JCAD: variants seen among roughly 807,000 people sequenced by gnomAD.
JCAD encodes junctional cadherin 5-associated protein.
Under a neutral mutation model 98.0 loss-of-function variants are expected in JCAD, and 40 were observed. The observed-to-expected ratio is 0.41, with a 90% CI of 0.32 to 0.53. The LOEUF is 0.53. Ranked by LOEUF, JCAD falls within the 20% of genes least tolerant of loss-of-function variation. The pLI is 0.31. For missense variants in JCAD, 1,705 were observed against 1,738.1 expected, an observed-to-expected ratio of 0.98 and a Z score of 0.34; for synonymous variants, 691 against 682.3, an observed-to-expected ratio of 1.01 and a Z score of -0.20.
At chr10:30,061,030 G>C (rs1228410215), upstream of JCAD, among the ~76,000 whole-genome samples, 1 of 152,208 alleles carries the variant, frequency 6.6e-6, no homozygotes, top group Non-Finnish European at 1.5e-5. Flanking sequence ...AGATGGTGGC[G>C]ATAGGAGCAG....
chr10:30,034,476 T>G (rs771463497), intron 2 of JCAD, among the ~76,000 whole-genome samples: 1 of 152,142 alleles, frequency 6.6e-6, no homozygotes, highest in Non-Finnish European at 1.5e-5. Flanking sequence ...ACAATTTCTG[T>G]GTTGCTTTTG....
intron 1 of JCAD, among the ~76,000 whole-genome samples, chr10:30,049,288 G>T (rs557180992): frequency 1.3e-5 from 2 of 152,260 alleles, no homozygotes; most frequent in South Asian, 2.1e-4. Context: ...CTTCACTGGT[G>T]GACGGAAATA....
intron 1 of JCAD, among the ~76,000 whole-genome samples, chr10:30,104,431 T>C (rs2132712211): frequency 6.6e-6 from 1 of 152,326 alleles, no homozygotes; most frequent in Non-Finnish European, 1.5e-5. Context: ...TGCAACCACA[T>C]GGATGCAGCG....
intron 1 of JCAD, among the ~76,000 whole-genome samples, chr10:30,099,950 A>C (rs1730103412): frequency 6.6e-6 from 1 of 152,140 alleles, no homozygotes; most frequent in African/African-American, 2.4e-5. Context: ...TCCATCCTGC[A>C]TAACCATTTC....
At chr10:30,107,691 TC>T (rs1838611367) in intron 1 of JCAD, among the ~76,000 whole-genome samples, 1 of 152,202 alleles carries the variant, frequency 6.6e-6, no homozygotes, top group South Asian at 2.1e-4. Context: ...CCTGAAGTCT[TC>T]CTTGCATGAG....
At chr10:30,024,461 C>A (rs1836737557) in intron 3 of JCAD, among the ~76,000 whole-genome samples, 2 of 152,010 alleles carry the variant, frequency 1.3e-5, no homozygotes, top group South Asian at 4.1e-4. Context: ...CCAGAAAGCT[C>A]AAAAAATGGG....
intron 1 of JCAD, among the ~76,000 whole-genome samples, chr10:30,087,504 A>G (rs959530802): frequency 2.8e-4 from 43 of 152,208 alleles, no homozygotes; most frequent in East Asian, 1.7e-3. Context: ...AACACAGTCT[A>G]GCACTTTACT....
rs766459638 is a variant in JCAD, at chr10:30,029,850, G to A, written c.298C>T (p.Pro100Ser). The change falls in exon 3 of 4, where the codon CCC becomes TCC. Residue 100 changes from proline to serine, a missense_variant. Physicochemically the swap from Pro to Ser is moderately conservative, Grantham distance 74 (BLOSUM62 -1). Transcript: ENST00000375377. The stretch of plus-strand genomic sequence containing the variant: ...GGGGGATGAGAGGACCATGCTGAGG[G>A]GGGTTGATTACAAAACCTACAAAAC... ...TSEAGFCNQP[P>S]SAWSSHPPTG... 4 of 1,613,776 alleles carry A rather than the reference G, an allele frequency of 2.5e-6. No individual in the cohort carries two copies. Among genetic ancestry groups the A allele is most frequent in the Non-Finnish European group, 2.5e-6 (3 of 1,179,858 alleles).
chr10:30,046,055 T>C (rs987571194), intron 2 of JCAD, among the ~76,000 whole-genome samples: 1 of 152,168 alleles, frequency 6.6e-6, no homozygotes, highest in Non-Finnish European at 1.5e-5. Flanking sequence ...TGTGTGTTTG[T>C]TTGTTTTTCT....
At chr10:30,030,066 G>T (rs1836959065) in intron 2 of JCAD, among the ~76,000 whole-genome samples, 200 bp from the exon 3 acceptor site, 1 of 152,246 alleles carries the variant, frequency 6.6e-6, no homozygotes. Context: ...CAAGGGCCAA[G>T]AAGGGGCAGC....
chr10:30,067,172 A>C (rs978375737), intron 2 of JCAD, among the ~76,000 whole-genome samples: 1 of 150,774 alleles, frequency 6.6e-6, no homozygotes, highest in Non-Finnish European at 1.5e-5. Context: ...CCTGTCTCAA[A>C]AAAAAAAAAA....
At chr10:30,084,015 A>G (rs3909033) in intron 1 of JCAD, among the ~76,000 whole-genome samples, 2 of 151,942 alleles carry the variant, frequency 1.3e-5, no homozygotes, top group South Asian at 4.2e-4. Context: ...GAGTGAATGA[A>G]AAAAAGAAAG....
chr10:30,064,240 TAAG>T (rs148012627), upstream of JCAD, among the ~76,000 whole-genome samples: 1 of 151,986 alleles, frequency 6.6e-6, no homozygotes. Context: ...GGTGGCTTTA[TAAG>T]AAGAAGAGAG....
At chr10:30,076,844 A>G (rs1837989754) in intron 1 of JCAD, among the ~76,000 whole-genome samples, 1 of 152,194 alleles carries the variant, frequency 6.6e-6, no homozygotes, top group African/African-American at 2.4e-5. Flanking sequence ...AGAAAGAAAC[A>G]AAAGACATAC....
intron 3 of JCAD, among the ~76,000 whole-genome samples, chr10:30,018,461 C>A (rs1836584792): frequency 6.6e-6 from 1 of 152,134 alleles, no homozygotes; most frequent in Admixed American, 6.5e-5. Flanking sequence ...CACTAGGCAG[C>A]CCCAGGGCTG....
At chr10:30,079,669 T>G (rs1238799589) in intron 1 of JCAD, among the ~76,000 whole-genome samples, 1 of 152,072 alleles carries the variant, frequency 6.6e-6, no homozygotes, top group African/African-American at 2.4e-5. Context: ...ACGTGGCCAC[T>G]CCTACTGAAA....
rs999211410 is a variant in JCAD at position 30,016,367 on chromosome 10, A to G, written c.*1516T>C. On this transcript the variant is annotated 3_prime_UTR_variant, in exon 4 of 4. Transcript: ENST00000375377. ...GAAGGAAGGAGGGCAAGAGGTAGCAAGGGAGGGAGGACAGAAGGAAGGAAG... is the reference window on the plus strand; with the variant it reads ...GAAGGAAGGAGGGCAAGAGGTAGCAGGGGAGGGAGGACAGAAGGAAGGAAG... The G allele has an allele frequency of 1.6e-5, 2 of 127,258 alleles. No individual in the cohort carries two copies. Among genetic ancestry groups the G allele is most frequent in the African/African-American group, 5.9e-5 (2 of 33,816 alleles). 7.9% of individuals were successfully genotyped at this position (127,258 alleles called of 1,614,324 possible).
chr10:30,087,617 GTA>G (rs1838186745), intron 1 of JCAD, among the ~76,000 whole-genome samples: 1 of 152,172 alleles, frequency 6.6e-6, no homozygotes, highest in Non-Finnish European at 1.5e-5. Context: ...GGCAGGGAAA[GTA>G]TATCTCATTT....
At chr10:30,046,153 G>C (rs1340635597) in intron 2 of JCAD, among the ~76,000 whole-genome samples, 1 of 152,090 alleles carries the variant, frequency 6.6e-6, no homozygotes, top group East Asian at 1.9e-4. Flanking sequence ...TAGACTCAGA[G>C]CTCTTCCTCC....
Sources: gnomAD v4.1 joint callset for allele counts (sites outside exome capture counted in the v4.1 genomes callset) on GRCh38, gnomAD v4.1.1 for gene constraint, MANE v1.5 for transcripts, NCBI Gene and HGNC (gene_info 2026-07-23, HGNC 2026-07-21) for gene names.